Variants in L2HGDH observed in about 807,000 individuals in gnomAD.
L2HGDH encodes the protein L-2-hydroxyglutarate dehydrogenase, mitochondrial.
In L2HGDH, 34 loss-of-function variants were observed where a neutral mutation model predicts 51.5. The observed-to-expected ratio is 0.66, with a 90% confidence interval of 0.50 to 0.88. L2HGDH has a LOEUF of 0.88. L2HGDH is among the 40% of genes least tolerant of loss of function. The probability of loss-of-function intolerance (pLI) is 0.00; values close to 1 mark genes in which losing one functional copy is unlikely to be tolerated. For synonymous variants in L2HGDH, 198 were observed against 197.9 expected (o/e 1.00, Z -0.01); for missense variants, 558 against 571.9 (o/e 0.98, Z 0.25).
intron 6 of L2HGDH, 109 bp from the exon 7 acceptor site, chr14:50,269,439 C>A: frequency 9.1e-7 from 1 of 1,093,318 alleles, no homozygotes; most frequent in Non-Finnish European, 1.4e-6. Context: ...AGAATTTTTT[C>A]TAAAAGAGGA....
At position 50,246,965 on chromosome 14, in the gene L2HGDH, G is replaced by C; in HGVS notation, c.*93C>G. On this transcript the variant is annotated 3_prime_UTR_variant, in exon 10 of 10. Transcript: ENST00000267436. ...GGTTATCTTTGACCTAAAAACTAAA[G>C]TTTAAAAACCATTTTTTAAATTAAA... The C allele has an allele frequency of 6.7e-7, 1 of 1,482,334 alleles. No homozygotes were observed. The highest frequency in any genetic ancestry group is 9.1e-7 in the Non-Finnish European group (1 of 1,098,694). The allele number at this position is 1,482,334 out of a possible 1,614,324, so 91.8% of individuals were successfully genotyped here. A position where few individuals can be genotyped will look rare whatever the true frequency, so the allele number is the denominator to read the frequency against.
At chr14:50,271,455 A>G (rs1889680936) in intron 6 of L2HGDH, among the ~76,000 whole-genome samples, 1 of 152,258 alleles carries the variant, frequency 6.6e-6, no homozygotes, top group South Asian at 2.1e-4. Context: ...ATTTTATGCT[A>G]TATGTGAAAC....
At chr14:50,305,359 A>C (rs1319136309) in intron 1 of L2HGDH, among the ~76,000 whole-genome samples, 2 of 152,256 alleles carry the variant, frequency 1.3e-5, no homozygotes, top group Non-Finnish European at 2.9e-5. Context: ...TTCTGGGTCC[A>C]CTACATTAAT....
At chr14:50,268,905 T>G (rs1432562225) in intron 7 of L2HGDH, among the ~76,000 whole-genome samples, 1 of 152,174 alleles carries the variant, frequency 6.6e-6, no homozygotes, top group East Asian at 1.9e-4. Context: ...TAGAATTCAG[T>G]TCCTTCTTGA....
At chr14:50,279,339 A>C (rs1334621365) in intron 5 of L2HGDH, among the ~76,000 whole-genome samples, 3 of 151,796 alleles carry the variant, frequency 2.0e-5, no homozygotes, top group African/African-American at 7.3e-5. Context: ...AATGCCCTCA[A>C]AGCAAAACAA....
At chr14:50,307,999 TAA>T (rs961888979) in intron 1 of L2HGDH, among the ~76,000 whole-genome samples, 3 of 152,138 alleles carry the variant, frequency 2.0e-5, no homozygotes, top group Non-Finnish European at 4.4e-5. Context: ...AAGACTCTGT[TAA>T]GAGGATAAAA....
chr14:50,308,047 A>G (rs531912611), intron 1 of L2HGDH, among the ~76,000 whole-genome samples: 8 of 152,246 alleles, frequency 5.3e-5, no homozygotes, highest in Non-Finnish European at 1.2e-4. Flanking sequence ...TAGTAACTGC[A>G]TATCTCCCAA....
At chr14:50,265,308 A>G in intron 9 of L2HGDH, 50 bp downstream of exon 9, 1 of 1,532,816 alleles carries the variant, frequency 6.5e-7, no homozygotes. Context: ...CCACCTCTCA[A>G]GTTCACATAG....
In L2HGDH at chr14:50,283,988, G is replaced by A. The variant is rs368140834; in HGVS notation, c.586C>T (p.Arg196Trp). Residue 196 changes from arginine to tryptophan, a missense_variant, in exon 5 of 10, where the codon CGG becomes TGG. By Grantham distance (101) the Arg-to-Trp change is moderately radical. Around this residue, in one of 3 missense-constraint regions of L2HGDH, gnomAD observed 43 missense variants for 72.9 expected, o/e 0.59. Coordinates refer to ENST00000267436, the MANE Select transcript of L2HGDH (RefSeq NM_024884.3). The part of the protein sequence containing the change: ...DCPHTGIVDY[R>W]QVALSFAQDF... The stretch of plus-strand genomic sequence containing the variant: ...TGGGCAAATGACAAAGCCACCTGCC[G>A]ATAGTCCACAATGCCAGTATGTGGA... 97 of 1,613,918 alleles carry A rather than the reference G, an allele frequency of 6.0e-5. No individual in the cohort carries two copies. Among genetic ancestry groups the A allele is most frequent in the Admixed American group, 8.3e-5 (5 of 60,002 alleles).
intron 3 of L2HGDH, among the ~76,000 whole-genome samples, chr14:50,298,724 G>A (rs922999505): frequency 6.6e-6 from 1 of 151,942 alleles, no homozygotes; most frequent in Non-Finnish European, 1.5e-5. Context: ...AAACCAATAC[G>A]CTCCTAAATG....
At chr14:50,277,368 A>C (rs1301732899) in intron 6 of L2HGDH, among the ~76,000 whole-genome samples, 1 of 152,050 alleles carries the variant, frequency 6.6e-6, no homozygotes, top group Non-Finnish European at 1.5e-5. Flanking sequence ...CAAAGGGTGG[A>C]CTGTAGGGGT....
Position 50,243,986 on chromosome 14 carries a change from T to C in L2HGDH, c.*3072A>G, listed in dbSNP as rs974247321. On this transcript the variant is annotated 3_prime_UTR_variant, in exon 10 of 10. Transcript: ENST00000267436. The stretch of plus-strand genomic sequence containing the variant: ...CTGAGAATGATGATTTCCAATTTCA[T>C]CCATGTCCCTACAAAGGACATGAAC... 23 of 151,074 alleles carry C rather than the reference T, an allele frequency of 1.5e-4. No individual in the cohort carries two copies. Among genetic ancestry groups the C allele is most frequent in the African/African-American group, 5.3e-4 (22 of 41,232 alleles). The allele number at this position is 151,074 out of a possible 1,614,324, so 9.4% of individuals were successfully genotyped here. A position where few individuals can be genotyped will look rare whatever the true frequency, so the allele number is the denominator to read the frequency against.
At chr14:50,264,830 ATG>A (rs1889245011) in intron 9 of L2HGDH, among the ~76,000 whole-genome samples, 1 of 142,020 alleles carries the variant, frequency 7.0e-6, no homozygotes, top group African/African-American at 3.1e-5. Context: ...ACCCCATGAC[ATG>A]TGTTTACCTA....
intron 4 of L2HGDH, among the ~76,000 whole-genome samples, chr14:50,291,360 T>C (rs989526223): frequency 6.6e-6 from 1 of 152,028 alleles, no homozygotes; most frequent in Non-Finnish European, 1.5e-5. Context: ...GTGGCCAAAA[T>C]AAGATGGTCA....
intron 9 of L2HGDH, among the ~76,000 whole-genome samples, chr14:50,251,420 G>A (rs550714972): frequency 6.6e-6 from 1 of 152,200 alleles, no homozygotes; most frequent in East Asian, 1.9e-4. Flanking sequence ...TGGCCTAAAA[G>A]AGGAGGTACA....
intron 2 of L2HGDH, 135 bp downstream of exon 2, chr14:50,302,767 T>C (rs2030488563): frequency 2.8e-6 from 2 of 723,798 alleles, no homozygotes; most frequent in Non-Finnish European, 5.0e-6. Context: ...CCTATAGCCA[T>C]GTCCTTGTCC....
intron 1 of L2HGDH, among the ~76,000 whole-genome samples, chr14:50,305,788 A>G (rs1398074239): frequency 6.6e-6 from 1 of 152,200 alleles, no homozygotes; most frequent in Non-Finnish European, 1.5e-5. Flanking sequence ...TCCCATGGAT[A>G]CCGAAATCCA....
intron 9 of L2HGDH, among the ~76,000 whole-genome samples, chr14:50,255,024 G>A (rs1007624817): frequency 5.9e-5 from 9 of 151,976 alleles, no homozygotes; most frequent in African/African-American, 1.5e-4. Flanking sequence ...CTCCAGCCTG[G>A]GTGACAGAGT....
chr14:50,290,556 T>C (rs1486931079), intron 4 of L2HGDH, among the ~76,000 whole-genome samples: 1 of 152,248 alleles, frequency 6.6e-6, no homozygotes, highest in Non-Finnish European at 1.5e-5. Flanking sequence ...ATGATCTCTG[T>C]TGCAACTACT....
Sources: allele counts gnomAD v4.1 joint callset (sites outside exome capture counted in the v4.1 genomes callset), GRCh38; gene constraint gnomAD v4.1.1; regional missense constraint gnomAD v4.1.1; transcripts MANE v1.5; gene names NCBI Gene and HGNC (gene_info 2026-07-23, HGNC 2026-07-21).